Variants in PDE4B observed in about 807,000 individuals in gnomAD.
The protein encoded by PDE4B is 3',5'-cyclic-AMP phosphodiesterase 4B.
Under a neutral mutation model 82.2 loss-of-function variants are expected in PDE4B, and 20 were observed. That is an observed-to-expected ratio of 0.24 (90% CI 0.17 to 0.35). The LOEUF is 0.35. Among genes scored for constraint, PDE4B ranks in the 10% least tolerant of loss-of-function variants. The pLI is 1.00. For missense variants in PDE4B, 655 were observed against 907.2 expected, an observed-to-expected ratio of 0.72 and a Z score of 3.57; for synonymous variants, 320 against 318.9, an observed-to-expected ratio of 1.00 and a Z score of -0.04.
chr1:66,255,897 G>T (rs1328792399), intron 4 of PDE4B, among the ~76,000 whole-genome samples: 1 of 152,246 alleles, frequency 6.6e-6, no homozygotes, highest in Non-Finnish European at 1.5e-5. Context: ...TGGGTGTAGT[G>T]GTTTACACCT....
chr1:66,140,376 T>C (rs1460200248), intron 3 of PDE4B, among the ~76,000 whole-genome samples: 2 of 152,264 alleles, frequency 1.3e-5, no homozygotes, highest in South Asian at 4.2e-4. Context: ...TCAACGCAAC[T>C]TTTACAACTA....
At chr1:65,990,069 TAACAGACTTTACATATTTTTGTGA>T (rs948914691) in intron 3 of PDE4B, among the ~76,000 whole-genome samples, 1 of 152,178 alleles carries the variant, frequency 6.6e-6, no homozygotes, top group African/African-American at 2.4e-5. Flanking sequence ...TAGGTAGAAT[TAACAGACTTTACATATTTTTGTGA>T]ACATCACATC....
intron 8 of PDE4B, among the ~76,000 whole-genome samples, chr1:66,333,781 G>A (rs1660302463): frequency 1.3e-5 from 2 of 152,090 alleles, no homozygotes. Context: ...AGGAGGGGAG[G>A]GGGGACTCTT....
rs534003357 is a variant in PDE4B, at chr1:66,088,637, A to G, written c.282-158823A>G. ...AGACTAAGTGAAGTAGAAGCCTGTT[A>G]ATTTATCTTTTTTCAATGTCAATAC... On this transcript the variant is annotated intron_variant, in intron 3 of 16. Transcript: ENST00000341517. Among the ~76,000 whole-genome samples, 8 of 152,162 alleles carry G rather than the reference A, an allele frequency of 5.3e-5. No homozygotes were observed. In the East Asian group the frequency reaches 1.5e-3, roughly 29 times the overall value.
chr1:66,083,566 G>A (rs1656850032), intron 3 of PDE4B, among the ~76,000 whole-genome samples: 1 of 152,084 alleles, frequency 6.6e-6, no homozygotes, highest in South Asian at 2.1e-4. Flanking sequence ...TTCTGAGAGG[G>A]TCAGGAATCC....
intron 3 of PDE4B, among the ~76,000 whole-genome samples, chr1:66,211,984 G>C (rs1650088387): frequency 6.6e-6 from 1 of 152,144 alleles, no homozygotes; most frequent in Non-Finnish European, 1.5e-5. Flanking sequence ...TCTACCACCA[G>C]GCATGGAGTA....
At chr1:66,155,099 T>G (rs1032649086) in intron 3 of PDE4B, among the ~76,000 whole-genome samples, 1 of 152,140 alleles carries the variant, frequency 6.6e-6, no homozygotes, top group Non-Finnish European at 1.5e-5. Context: ...ACTGCACTCC[T>G]GCCTGGGAAA....
intron 3 of PDE4B, among the ~76,000 whole-genome samples, chr1:66,180,558 A>G (rs1172311625): frequency 6.6e-6 from 1 of 152,232 alleles, no homozygotes. Flanking sequence ...TGATAAAAAG[A>G]CATGAATTAG....
At chr1:66,172,057 A>T (rs1167444172) in intron 3 of PDE4B, among the ~76,000 whole-genome samples, 1 of 152,190 alleles carries the variant, frequency 6.6e-6, no homozygotes, top group Admixed American at 6.5e-5. Flanking sequence ...CCCATCATGC[A>T]GGTAATGAGT....
chr1:66,285,256 C>T (rs895671856), intron 7 of PDE4B, among the ~76,000 whole-genome samples: 1 of 152,144 alleles, frequency 6.6e-6, no homozygotes, highest in African/African-American at 2.4e-5. Context: ...ATCTACACAA[C>T]ACAAATTGAA....
chr1:65,991,561 A>G (rs2253745), intron 3 of PDE4B, among the ~76,000 whole-genome samples: 105,858 of 151,986 alleles, frequency 0.7, 36,964 homozygotes, highest in Middle Eastern at 0.73. Flanking sequence ...CCTTGTGACA[A>G]TCATTGCCGG....
intron 3 of PDE4B, among the ~76,000 whole-genome samples, chr1:66,173,695 G>T (rs1646880730): frequency 6.6e-6 from 1 of 152,190 alleles, no homozygotes; most frequent in Non-Finnish European, 1.5e-5. Context: ...ACCTGATTAA[G>T]ATTTATCTGT....
intron 1 of PDE4B, among the ~76,000 whole-genome samples, chr1:65,821,943 C>A (rs1365630601): frequency 1.3e-5 from 2 of 152,194 alleles, no homozygotes; most frequent in Non-Finnish European, 2.9e-5. Flanking sequence ...TTAGCTCCAA[C>A]TTAGCTCAGA....
At chr1:66,275,227 T>C (rs572861461) in intron 7 of PDE4B, among the ~76,000 whole-genome samples, 27 of 152,368 alleles carry the variant, frequency 1.8e-4, no homozygotes, top group African/African-American at 6.5e-4. Context: ...CTTTATATGA[T>C]AGCATCATTA....
chr1:66,281,700 C>CTTT (rs1557677250), intron 7 of PDE4B, among the ~76,000 whole-genome samples: 1 of 152,230 alleles, frequency 6.6e-6, no homozygotes, highest in Non-Finnish European at 1.5e-5. Flanking sequence ...AAATACAAGG[C>CTTT]ATGGGGGAGG....
intron 3 of PDE4B, among the ~76,000 whole-genome samples, chr1:66,209,814 T>G (rs1346107081): frequency 6.6e-6 from 1 of 152,244 alleles, no homozygotes; most frequent in Non-Finnish European, 1.5e-5. Context: ...TCACTTAATG[T>G]AAAGTTTTGT....
intron 3 of PDE4B, among the ~76,000 whole-genome samples, chr1:66,081,844 G>C (rs1165331567): frequency 1.3e-5 from 2 of 151,616 alleles, no homozygotes; most frequent in Non-Finnish European, 2.9e-5. Context: ...GTGTGTGTGT[G>C]TGTGTGTGTG....
intron 3 of PDE4B, among the ~76,000 whole-genome samples, chr1:66,092,705 C>T (rs1645048055): frequency 1.3e-5 from 2 of 151,970 alleles, no homozygotes; most frequent in South Asian, 2.1e-4. Flanking sequence ...GGGATAGCTT[C>T]TCAAAGGAAG....
At chr1:65,864,203 G>C (rs1012885348) in intron 1 of PDE4B, among the ~76,000 whole-genome samples, 18 of 151,574 alleles carry the variant, frequency 1.2e-4, no homozygotes, top group African/African-American at 4.4e-4. Flanking sequence ...GTGTTTTTCA[G>C]CTCCACCGAG....
Sources: allele counts gnomAD v4.1 joint callset (sites outside exome capture counted in the v4.1 genomes callset), GRCh38; gene constraint gnomAD v4.1.1; transcripts MANE v1.5; gene names NCBI Gene and HGNC (gene_info 2026-07-23, HGNC 2026-07-21).